Variants in EHMT1 observed in about 807,000 individuals in gnomAD.
EHMT1 encodes histone-lysine N-methyltransferase EHMT1.
EHMT1 carries 15 observed loss-of-function variants against 147.2 expected under a neutral mutation model. The observed-to-expected ratio is 0.10, with a 90% confidence interval of 0.07 to 0.16. The LOEUF (loss-of-function observed/expected upper bound fraction) is 0.16, where lower values mean the gene tolerates loss of function less well. Ranked by LOEUF, EHMT1 falls within the 10% of genes least tolerant of loss-of-function variation. The probability of loss-of-function intolerance (pLI) is 1.00; values close to 1 mark genes in which losing one functional copy is unlikely to be tolerated. For missense variants in EHMT1, 1,587 were observed against 1,772.4 expected (o/e 0.90, Z 1.88); for synonymous variants, 795 against 709.6 (o/e 1.12, Z -1.91).
At chr9:137,801,160 G>A (rs1953449909) in intron 18 of EHMT1, among the ~76,000 whole-genome samples, 176 bp downstream of exon 18, 2 of 152,152 alleles carry the variant, frequency 1.3e-5, no homozygotes, top group African/African-American at 4.8e-5. Context: ...ATGCAGATGG[G>A]GGATGTGAGG....
At chr9:137,635,684 G>A (rs1024465048) in intron 1 of EHMT1, among the ~76,000 whole-genome samples, 4 of 151,010 alleles carry the variant, frequency 2.6e-5, no homozygotes, top group African/African-American at 4.9e-5. Flanking sequence ...GTGGGACGTG[G>A]TGGCGGGCGC....
intron 4 of EHMT1, among the ~76,000 whole-genome samples, chr9:137,730,445 T>C (rs1301755003): frequency 6.6e-6 from 1 of 150,878 alleles, no homozygotes; most frequent in Non-Finnish European, 1.5e-5. Flanking sequence ...CCATTTACTT[T>C]ACAAAAAAAA....
At chr9:137,770,398 C>T (rs747321613) in intron 10 of EHMT1, among the ~76,000 whole-genome samples, 2 of 152,226 alleles carry the variant, frequency 1.3e-5, no homozygotes, top group African/African-American at 4.8e-5. Flanking sequence ...TGAAATTCCT[C>T]GTCTGTAGTA....
At position 137,686,732 on chromosome 9, in the gene EHMT1, T is replaced by TTC. The variant is rs1232496972; in HGVS notation, c.22-24234_22-24233insCT. 2.5e-4 allele frequency among the ~76,000 whole-genome samples: 35 copies of TTC among 142,188 alleles called. 1 individual carries two copies. Among genetic ancestry groups the TTC allele is most frequent in the Non-Finnish European group, 3.8e-4 (25 of 65,446 alleles). The allele number at this position is 142,188 out of a possible 152,430, so 93.3% of individuals were successfully genotyped here. ...GTAGGGGTCCAACCTCATTCTTTCT[T>TTC]TTTTTTTTTTTTTTTTGAGATGGAG... On this transcript the variant is annotated intron_variant, in intron 1 of 26. Coordinates refer to ENST00000460843, the MANE Select transcript of EHMT1 (RefSeq NM_024757.5).
At chr9:137,790,407 G>A (rs77880925) in intron 15 of EHMT1, among the ~76,000 whole-genome samples, 1,854 of 152,290 alleles carry the variant, frequency 0.012, 17 homozygotes, top group Middle Eastern at 0.048. Flanking sequence ...CATGCTACTG[G>A]AAATCAGGAT....
In EHMT1 at chr9:137,812,989, T is replaced by A; in HGVS notation, c.2868-17T>A. 6.2e-7 allele frequency: 1 copy of A among 1,613,946 alleles called. No homozygotes were observed. The highest frequency in any genetic ancestry group is 8.5e-7 in the Non-Finnish European group (1 of 1,180,016). On this transcript the variant is annotated splice_polypyrimidine_tract_variant and intron_variant, in intron 19 of 26. Coordinates refer to ENST00000460843, the MANE Select transcript of EHMT1 (RefSeq NM_024757.5). ...GTCAGCTTTAAATGTTTTGTGGCCT[T>A]ACATTTTCCCTTTTAGCCTCTTTCT... is the stretch of plus-strand genomic sequence containing the variant.
chr9:137,653,030 A>T (rs908721842), intron 1 of EHMT1, among the ~76,000 whole-genome samples: 1 of 152,098 alleles, frequency 6.6e-6, no homozygotes, highest in Non-Finnish European at 1.5e-5. Context: ...GCCTGGCCTT[A>T]GATGGTGTAG....
rs2133154513 is a variant in EHMT1 at position 137,834,499 on chromosome 9, C to T, written c.3691C>T (p.Leu1231=). 3 of 1,612,000 alleles carry T rather than the reference C, an allele frequency of 1.9e-6. No individual in the cohort carries two copies. The highest frequency in any genetic ancestry group is 2.5e-6 in the Non-Finnish European group (3 of 1,179,766). ...FPRIAFFSTR[L]IEAGEQLGFD... Reference sequence around the variant, plus strand: ...CCGGATCGCCTTCTTCAGCACCCGCCTGATCGAGGCCGGCGAGCAGCTCGG... The same window carrying T: ...CCGGATCGCCTTCTTCAGCACCCGCTTGATCGAGGCCGGCGAGCAGCTCGG... The change falls in exon 26 of 27, where the codon CTG becomes TTG. Residue 1231 remains leucine, a synonymous_variant. Coordinates refer to ENST00000460843, the MANE Select transcript of EHMT1 (RefSeq NM_024757.5).
Position 137,778,033 on chromosome 9 carries a change from C to G in EHMT1, c.2170C>G (p.Leu724Val). The change falls in exon 13 of 27, where the codon CTC (leucine) becomes GTC (valine). Residue 724 changes from leucine (L) to valine (V), a missense_variant. By Grantham distance (32) the Leu-to-Val change is conservative. Coordinates refer to ENST00000460843, the MANE Select transcript of EHMT1 (RefSeq NM_024757.5). ...GPGKETLESA[L>V]IALDSEKPKK... Reference sequence around the variant, plus strand: ...AGGGAAGGAAACCTTGGAGAGCGCTCTCATCGCCCTCGACTCGGAAAAGTA... The same window carrying G: ...AGGGAAGGAAACCTTGGAGAGCGCTGTCATCGCCCTCGACTCGGAAAAGTA... 6.2e-7 allele frequency: 1 copy of G among 1,613,912 alleles called. No individual in the cohort carries two copies. The highest frequency in any genetic ancestry group is 8.5e-7 in the Non-Finnish European group (1 of 1,180,038).
chr9:137,830,923 C>T (rs1354602193), intron 25 of EHMT1, among the ~76,000 whole-genome samples: 2 of 152,116 alleles, frequency 1.3e-5, no homozygotes, highest in East Asian at 1.9e-4. Flanking sequence ...CACTGTAAAC[C>T]GTGAGGCTTA....
intron 25 of EHMT1, among the ~76,000 whole-genome samples, chr9:137,827,945 G>T (rs1383190685): frequency 1.3e-5 from 2 of 152,178 alleles, no homozygotes; most frequent in Non-Finnish European, 2.9e-5. Context: ...TGAGGGTTCT[G>T]GGATCTGAAG....
At chr9:137,674,426 A>T (rs1056095360) in intron 1 of EHMT1, among the ~76,000 whole-genome samples, 2 of 151,930 alleles carry the variant, frequency 1.3e-5, no homozygotes, top group Non-Finnish European at 2.9e-5. Flanking sequence ...GCTCTCCCAC[A>T]CTCTGCAGGC....
chr9:137,815,186 A>G, intron 22 of EHMT1: 1 of 164,412 alleles, frequency 6.1e-6, no homozygotes, highest in Non-Finnish European at 1.3e-5. Context: ...ACTTTGGAGG[A>G]GAGTGGACAT....
chr9:137,712,483 C>T (rs973521260), intron 2 of EHMT1, among the ~76,000 whole-genome samples: 5 of 152,130 alleles, frequency 3.3e-5, no homozygotes, highest in South Asian at 2.1e-4. Flanking sequence ...GCTGTCCTGG[C>T]GGGTGGGAAG....
intron 1 of EHMT1, among the ~76,000 whole-genome samples, chr9:137,649,296 C>T (rs1845132166): frequency 6.6e-6 from 1 of 152,020 alleles, no homozygotes. Flanking sequence ...CCTGTCTTTA[C>T]TAAAAATATA....
At chr9:137,834,113 C>A in intron 25 of EHMT1, 1 of 601,646 alleles carries the variant, frequency 1.7e-6, no homozygotes. Context: ...ACCCCCACCC[C>A]ACCACAGACG....
chr9:137,760,759 C>T (rs1267565745), intron 9 of EHMT1, among the ~76,000 whole-genome samples: 1 of 152,218 alleles, frequency 6.6e-6, no homozygotes, highest in Non-Finnish European at 1.5e-5. Flanking sequence ...CCTGTAATCC[C>T]AGCACTTTGG....
At chr9:137,779,529 T>C in intron 13 of EHMT1, 106 bp from the exon 14 acceptor site, 1 of 1,189,818 alleles carries the variant, frequency 8.4e-7, no homozygotes, top group Non-Finnish European at 1.2e-6. Flanking sequence ...CGGAGCCCCA[T>C]GAGCTTGAGG....
intron 1 of EHMT1, among the ~76,000 whole-genome samples, chr9:137,709,350 C>T (rs1285234907): frequency 6.6e-6 from 1 of 152,164 alleles, no homozygotes; most frequent in Non-Finnish European, 1.5e-5. Context: ...GGGCTGCTGG[C>T]CCTGGCTTGG....
Sources: gnomAD v4.1 joint callset for allele counts (sites outside exome capture counted in the v4.1 genomes callset) on GRCh38, gnomAD v4.1.1 for gene constraint, MANE v1.5 for transcripts, NCBI Gene and HGNC (gene_info 2026-07-23, HGNC 2026-07-21) for gene names.